The following GALNT13 variants were observed in gnomAD, a reference collection of about 807,000 sequenced individuals.
GALNT13 encodes UDP-GalNAc:polypeptide N-acetylgalactosaminyltransferase 13.
A neutral mutation model predicts 64.2 loss-of-function variants in GALNT13; 28 were observed. The observed-to-expected ratio is 0.44, with a 90% CI of 0.32 to 0.60. GALNT13 has a LOEUF of 0.60. Ranked by LOEUF, GALNT13 falls within the 20% of genes least tolerant of loss-of-function variation. The pLI is 0.05. For missense variants in GALNT13, 577 were observed against 669.8 expected (o/e 0.86, Z 1.53); for synonymous variants, 214 against 224.6 (o/e 0.95, Z 0.42).
the GALNT13 span, among the ~76,000 whole-genome samples, chr2:153,601,344 G>C: frequency 6.6e-6 from 1 of 151,676 alleles, no homozygotes; most frequent in Non-Finnish European, 1.5e-5. Context: ...TCAGTGATTT[G>C]AGACTTTACA....
the GALNT13 span, among the ~76,000 whole-genome samples, chr2:153,710,415 T>G: frequency 3.3e-5 from 5 of 152,032 alleles, no homozygotes; most frequent in Admixed American, 6.6e-5. Context: ...AAATAATATC[T>G]CGATACTATT....
chr2:153,457,744 T>G, the GALNT13 span, among the ~76,000 whole-genome samples: 1 of 152,242 alleles, frequency 6.6e-6, no homozygotes, highest in East Asian at 1.9e-4. Flanking sequence ...TTTTTTTCTG[T>G]GTTCTCCTAA....
the GALNT13 span, among the ~76,000 whole-genome samples, chr2:153,760,012 C>T: frequency 6.6e-6 from 1 of 151,978 alleles, no homozygotes; most frequent in South Asian, 2.1e-4. Flanking sequence ...ATGATTCAGA[C>T]TGAATAAGTT....
chr2:153,304,074 C>T, the GALNT13 span, among the ~76,000 whole-genome samples: 5 of 151,180 alleles, frequency 3.3e-5, no homozygotes, highest in Admixed American at 6.6e-5. Flanking sequence ...GGGACTGGCT[C>T]ACTGTCTATA....
chr2:153,675,248 T>C, the GALNT13 span, among the ~76,000 whole-genome samples: 1 of 152,206 alleles, frequency 6.6e-6, no homozygotes, highest in African/African-American at 2.4e-5. Flanking sequence ...CATGCACACG[T>C]ATGTTTATTG....
At chr2:153,825,612 G>C in the GALNT13 span, among the ~76,000 whole-genome samples, 1 of 130,434 alleles carries the variant, frequency 7.7e-6, no homozygotes, top group South Asian at 2.6e-4. Flanking sequence ...TGAGTGCTGT[G>C]TGTGTGTGTG....
At chr2:154,408,485 G>C (rs1303870620) in intron 10 of GALNT13, among the ~76,000 whole-genome samples, 2 of 152,068 alleles carry the variant, frequency 1.3e-5, no homozygotes, top group Non-Finnish European at 2.9e-5. Flanking sequence ...GATATAAACA[G>C]TGTAATCTTT....
At chr2:153,369,630 A>G in the GALNT13 span, among the ~76,000 whole-genome samples, 1 of 152,312 alleles carries the variant, frequency 6.6e-6, no homozygotes, top group South Asian at 2.1e-4. Flanking sequence ...TCTAATGAGT[A>G]AAATATTCCA....
intron 2 of GALNT13, among the ~76,000 whole-genome samples, chr2:153,932,689 G>T (rs1277317600): frequency 7.2e-6 from 1 of 138,714 alleles, no homozygotes; most frequent in Non-Finnish European, 1.5e-5. Context: ...ATGCAATGGT[G>T]CAATCTTGGC....
At chr2:153,143,874 C>T in the GALNT13 span, among the ~76,000 whole-genome samples, 1 of 151,998 alleles carries the variant, frequency 6.6e-6, no homozygotes, top group African/African-American at 2.4e-5. Flanking sequence ...GGCTTAAAAG[C>T]TTTTCAAGTA....
intron 3 of GALNT13, among the ~76,000 whole-genome samples, chr2:154,069,593 T>A (rs1335904606): frequency 6.6e-6 from 1 of 151,964 alleles, no homozygotes; most frequent in Non-Finnish European, 1.5e-5. Flanking sequence ...ATTTTAATAT[T>A]TATATGAAAT....
At chr2:153,425,305 T>TGTATA in the GALNT13 span, among the ~76,000 whole-genome samples, 1 of 151,730 alleles carries the variant, frequency 6.6e-6, no homozygotes, top group African/African-American at 2.4e-5. Context: ...AGTTATTCCT[T>TGTATA]TGTTTGCAAT....
At chr2:154,014,012 G>C (rs1696826552) in intron 3 of GALNT13, among the ~76,000 whole-genome samples, 1 of 152,210 alleles carries the variant, frequency 6.6e-6, no homozygotes, top group African/African-American at 2.4e-5. Context: ...TTGCAAGCGG[G>C]AGTGATCAGG....
At chr2:153,522,225 C>T in the GALNT13 span, among the ~76,000 whole-genome samples, 1 of 151,660 alleles carries the variant, frequency 6.6e-6, no homozygotes, top group Non-Finnish European at 1.5e-5. Context: ...CCCAGCTACT[C>T]AGGAGGCTGA....
chr2:153,307,071 C>CT, the GALNT13 span, among the ~76,000 whole-genome samples: 13 of 152,176 alleles, frequency 8.5e-5, no homozygotes, highest in Non-Finnish European at 1.3e-4. Flanking sequence ...TAGAAAGGTA[C>CT]TTTTTTTCTA....
At chr2:154,267,249 A>T (rs1045617457) in intron 8 of GALNT13, among the ~76,000 whole-genome samples, 13 of 152,220 alleles carry the variant, frequency 8.5e-5, no homozygotes, top group Non-Finnish European at 1.6e-4. Context: ...GAACTTGTGT[A>T]ACCATTGATT....
At chr2:153,319,164 A>G in the GALNT13 span, among the ~76,000 whole-genome samples, 1 of 152,236 alleles carries the variant, frequency 6.6e-6, no homozygotes, top group Non-Finnish European at 1.5e-5. Flanking sequence ...TGTAAATTGC[A>G]AACAATAATA....
the GALNT13 span, among the ~76,000 whole-genome samples, chr2:153,613,556 A>G: frequency 6.6e-6 from 1 of 152,138 alleles, no homozygotes; most frequent in Non-Finnish European, 1.5e-5. Flanking sequence ...TCTGTGTTCA[A>G]ATGTTCTCAG....
chr2:154,199,257 A>T (rs1001129290), intron 4 of GALNT13, among the ~76,000 whole-genome samples: 1 of 152,050 alleles, frequency 6.6e-6, no homozygotes, highest in Admixed American at 6.6e-5. Flanking sequence ...TATTGACAGT[A>T]GTATACCTAT....
Sources: allele counts gnomAD v4.1 joint callset (sites outside exome capture counted in the v4.1 genomes callset), GRCh38; gene constraint gnomAD v4.1.1; transcripts MANE v1.5; gene names NCBI Gene and HGNC (gene_info 2026-07-23, HGNC 2026-07-21).